SEMA3A: variants seen among roughly 807,000 people sequenced by gnomAD.
The protein encoded by SEMA3A is semaphorin-3A.
SEMA3A carries 29 observed loss-of-function variants against 97.9 expected under a neutral mutation model. The observed-to-expected ratio is 0.30, with a 90% CI of 0.22 to 0.40. The LOEUF (loss-of-function observed/expected upper bound fraction) is 0.40, where lower values mean the gene tolerates loss of function less well. SEMA3A is among the 10% of genes least tolerant of loss of function. SEMA3A has a pLI of 1.00. For missense variants in SEMA3A, 763 were observed against 951.3 expected (o/e 0.80, Z 2.60); for synonymous variants, 321 against 323.7 (o/e 0.99, Z 0.09).
Position 84,194,778 on chromosome 7 carries a change from C to A in SEMA3A, c.-192G>T, listed in dbSNP as rs755334805. 1.9e-4 allele frequency: 55 copies of A among 292,432 alleles called. No individual in the cohort carries two copies. Among genetic ancestry groups the A allele is most frequent in the Non-Finnish European group, 3.2e-4 (53 of 163,824 alleles). 18.1% of individuals were successfully genotyped at this position (292,432 alleles called of 1,614,324 possible). On this transcript the variant is annotated 5_prime_UTR_variant, in exon 1 of 17. Transcript: ENST00000265362. ...TGTAACAGTCACTGAAGCACAGAAA[C>A]TTCAAACCCTCCAAAAAGAAAAAAA...
intron 4 of SEMA3A, among the ~76,000 whole-genome samples, chr7:84,099,069 T>TC (rs1794865716): frequency 4.1e-5 from 2 of 49,278 alleles, no homozygotes; most frequent in African/African-American, 8.5e-5. Context: ...CATTTTCTTT[T>TC]TTTTTCTTTT....
At chr7:84,365,824 T>C in intron 2 of SEMA3A, among the ~76,000 whole-genome samples, 1 of 151,426 alleles carries the variant, frequency 6.6e-6, no homozygotes, top group Admixed American at 6.6e-5. Flanking sequence ...ACAAGATAAT[T>C]ATTCTAAGAG....
At chr7:83,985,371 T>C (rs540957611) in intron 13 of SEMA3A, 65 bp downstream of exon 13, 1 of 1,107,940 alleles carries the variant, frequency 9.0e-7, no homozygotes, top group African/African-American at 1.6e-5. Flanking sequence ...TAAATAGATA[T>C]ATCTATTGAA....
intron 3 of SEMA3A, among the ~76,000 whole-genome samples, chr7:84,256,882 G>T (rs1799730054): frequency 6.6e-6 from 1 of 152,052 alleles, no homozygotes; most frequent in Non-Finnish European, 1.5e-5. Flanking sequence ...ACTATCTGAT[G>T]AATTTTCTCT....
At chr7:84,062,700 C>T (rs562372015) in intron 4 of SEMA3A, among the ~76,000 whole-genome samples, 4 of 152,210 alleles carry the variant, frequency 2.6e-5, no homozygotes, top group South Asian at 2.1e-4. Flanking sequence ...CCGAATACTG[C>T]GCTTTTCCGG....
chr7:84,120,567 C>A (rs1795580092), intron 3 of SEMA3A, among the ~76,000 whole-genome samples: 1 of 152,066 alleles, frequency 6.6e-6, no homozygotes, highest in South Asian at 2.1e-4. Flanking sequence ...CAGGTACATA[C>A]ATATGAAAAT....
chr7:84,361,011 G>A (rs1006859572), intron 2 of SEMA3A, among the ~76,000 whole-genome samples: 1 of 151,984 alleles, frequency 6.6e-6, no homozygotes, highest in Non-Finnish European at 1.5e-5. Flanking sequence ...ATGTTATCAA[G>A]AATTCAAAAT....
intron 2 of SEMA3A, among the ~76,000 whole-genome samples, chr7:84,367,553 A>G (rs1802877935): frequency 6.6e-6 from 1 of 150,860 alleles, no homozygotes; most frequent in Admixed American, 6.7e-5. Flanking sequence ...GTGATCTAGT[A>G]TAGCTCCACA....
intron 1 of SEMA3A, among the ~76,000 whole-genome samples, chr7:84,192,711 T>C (rs1391584474): frequency 6.6e-6 from 1 of 151,866 alleles, no homozygotes; most frequent in South Asian, 2.1e-4. Context: ...TCTTGCAAAA[T>C]AAAAAAGTTT....
At chr7:84,145,158 T>C (rs1349469540) in intron 1 of SEMA3A, among the ~76,000 whole-genome samples, 2 of 152,142 alleles carry the variant, frequency 1.3e-5, no homozygotes, top group Non-Finnish European at 2.9e-5. Context: ...TTTATTCACC[T>C]TTCAAGACCC....
intron 15 of SEMA3A, 24 bp from the exon 16 acceptor site, chr7:83,963,371 A>G (rs1049664195): frequency 1.3e-6 from 2 of 1,596,568 alleles, no homozygotes; most frequent in Non-Finnish European, 1.7e-6. Context: ...AGAAAATGCA[A>G]TGAGAAAATA....
chr7:84,342,184 C>CAGCA (rs1802188072), intron 2 of SEMA3A, among the ~76,000 whole-genome samples: 1 of 152,052 alleles, frequency 6.6e-6, no homozygotes, highest in Non-Finnish European at 1.5e-5. Flanking sequence ...TACAGTCATG[C>CAGCA]AGCACCATGC....
chr7:84,104,423 G>A (rs556791686), intron 4 of SEMA3A, among the ~76,000 whole-genome samples: 2 of 151,892 alleles, frequency 1.3e-5, no homozygotes, highest in Non-Finnish European at 2.9e-5. Flanking sequence ...ACTGTTTTTA[G>A]GGGAAAAAAA....
At chr7:84,110,698 T>C in intron 3 of SEMA3A, 109 bp from the exon 4 acceptor site, 2 of 1,299,390 alleles carry the variant, frequency 1.5e-6, no homozygotes, top group Non-Finnish European at 2.1e-6. Flanking sequence ...TCTTTCTTTT[T>C]TTTTTTTTGG....
chr7:84,204,704 A>G (rs548180544), intron 3 of SEMA3A, among the ~76,000 whole-genome samples: 8 of 152,340 alleles, frequency 5.3e-5, no homozygotes, highest in Non-Finnish European at 1.2e-4. Flanking sequence ...TGCTAAATTT[A>G]TATATCAAAC....
intron 13 of SEMA3A, among the ~76,000 whole-genome samples, chr7:83,983,043 A>G (rs1206249730): frequency 1.3e-5 from 2 of 152,062 alleles, no homozygotes; most frequent in Non-Finnish European, 2.9e-5. Context: ...TATAGCATAT[A>G]TTACTAAGTG....
chr7:84,266,312 T>TTAAAAAA (rs1799999733), intron 3 of SEMA3A, among the ~76,000 whole-genome samples: 2 of 37,028 alleles, frequency 5.4e-5, no homozygotes, highest in Admixed American at 3.8e-4. Context: ...AGATTTGGTC[T>TTAAAAAA]CAAAAAAAAA....
At chr7:84,047,576 T>C (rs1792403934) in intron 5 of SEMA3A, among the ~76,000 whole-genome samples, 2 of 152,054 alleles carry the variant, frequency 1.3e-5, no homozygotes, top group African/African-American at 4.8e-5. Context: ...AGAAAGGACC[T>C]TGTATTATCT....
chr7:84,279,817 T>C (rs996301575), intron 3 of SEMA3A, among the ~76,000 whole-genome samples: 2 of 152,166 alleles, frequency 1.3e-5, no homozygotes, highest in Admixed American at 1.3e-4. Flanking sequence ...GAATGTGTGA[T>C]ATTGGCTGGA....
Sources: gnomAD v4.1 joint callset for allele counts (sites outside exome capture counted in the v4.1 genomes callset) on GRCh38, gnomAD v4.1.1 for gene constraint, MANE v1.5 for transcripts, NCBI Gene and HGNC (gene_info 2026-07-23, HGNC 2026-07-21) for gene names.